Variants in UGT1A6 observed in about 807,000 individuals in gnomAD.
UGT1A6 encodes UDP glucuronosyltransferase family 1 member A6, also known as UDP-glucuronosyltransferase 1A6.
In UGT1A6, 32 loss-of-function variants were observed where a neutral mutation model predicts 44.4. That is an observed-to-expected ratio of 0.72 (90% CI 0.54 to 0.97). The LOEUF is 0.97. Among genes scored for constraint, UGT1A6 ranks in the 50% least tolerant of loss-of-function variants. UGT1A6 has a pLI of 0.00. For synonymous variants in UGT1A6, 238 were observed against 248.5 expected (o/e 0.96, Z 0.40); for missense variants, 685 against 661.9 (o/e 1.03, Z -0.38).
At chr2:233,744,115 T>G (rs556316328) in intron 1 of UGT1A6, 2 of 367,954 alleles carry the variant, frequency 5.4e-6, no homozygotes, top group East Asian at 1.5e-4. Flanking sequence ...CCCTGCTCTC[T>G]GTGAGGCTCT....
At chr2:233,761,667 C>T (rs1186419843) in intron 1 of UGT1A6, among the ~76,000 whole-genome samples, 1 of 152,258 alleles carries the variant, frequency 6.6e-6, no homozygotes, top group African/African-American at 2.4e-5. Flanking sequence ...AATCACCAGA[C>T]AGTCAGGTTC....
At chr2:233,746,132 G>A (rs998349575) in intron 1 of UGT1A6, among the ~76,000 whole-genome samples, 1 of 151,792 alleles carries the variant, frequency 6.6e-6, no homozygotes, top group African/African-American at 2.4e-5. Flanking sequence ...CTGTGGACTG[G>A]CACCTGAGTG....
intron 1 of UGT1A6, chr2:233,747,857 C>G: frequency 6.2e-7 from 1 of 1,613,516 alleles, no homozygotes. Flanking sequence ...AGAACATGCT[C>G]TACCCTCTGG....
chr2:233,693,713 C>T lies in UGT1A6; in HGVS notation c.709C>T (p.Leu237Phe), dbSNP rs370730386. 1.2e-6 allele frequency: 2 copies of T among 1,614,058 alleles called. No individual in the cohort carries two copies. Among genetic ancestry groups the T allele is most frequent in the African/African-American group, 2.7e-5 (2 of 74,912 alleles). ...SKYEELASAV[L>F]KRDVDIITLY... ...GTATGAAGAACTCGCATCAGCTGTC[C>T]TCAAGAGAGATGTGGATATAATCAC... Residue 237 changes from leucine (L) to phenylalanine (F), a missense_variant, in exon 1 of 5, where the codon CTC becomes TTC. Leu to Phe is a conservative substitution (Grantham distance 22). Transcript: ENST00000305139.
At chr2:233,701,743 T>C (rs1291418937) in intron 1 of UGT1A6, among the ~76,000 whole-genome samples, 3 of 152,190 alleles carry the variant, frequency 2.0e-5, no homozygotes, top group Non-Finnish European at 2.9e-5. Flanking sequence ...CCTGAATAAC[T>C]ACTGGGTACA....
intron 1 of UGT1A6, among the ~76,000 whole-genome samples, chr2:233,728,930 G>T (rs144892248): frequency 2.1e-5 from 3 of 145,550 alleles, no homozygotes; most frequent in Non-Finnish European, 4.4e-5. Flanking sequence ...GTCATGATCG[G>T]TCTTTTCCAG....
intron 1 of UGT1A6, chr2:233,719,231 G>C: frequency 6.2e-7 from 1 of 1,614,198 alleles, no homozygotes; most frequent in Middle Eastern, 1.6e-4. Context: ...ATGAGGCCCT[G>C]ATCAGGCACC....
intron 1 of UGT1A6, among the ~76,000 whole-genome samples, chr2:233,725,693 A>G (rs2077467209): frequency 1.3e-5 from 2 of 152,246 alleles, no homozygotes; most frequent in African/African-American, 2.4e-5. Flanking sequence ...CTCAATAGTC[A>G]TATGTAGTTA....
chr2:233,760,740 C>T (rs2125987447), intron 1 of UGT1A6: 1 of 1,614,120 alleles, frequency 6.2e-7, no homozygotes, highest in Non-Finnish European at 8.5e-7. Context: ...TGCTGACGGA[C>T]CCTTTCCTTC....
At chr2:233,740,769 G>A (rs1277809292) in intron 1 of UGT1A6, 1 of 151,756 alleles carries the variant, frequency 6.6e-6, no homozygotes, top group African/African-American at 2.4e-5. Flanking sequence ...TCAAACCGTT[G>A]TATAAAAGAT....
intron 1 of UGT1A6, among the ~76,000 whole-genome samples, chr2:233,697,182 A>G (rs1179820208): frequency 6.6e-6 from 1 of 152,120 alleles, no homozygotes; most frequent in Non-Finnish European, 1.5e-5. Flanking sequence ...TGGTTGGTAG[A>G]ATTCAGCAGT....
intron 1 of UGT1A6, chr2:233,718,669 A>C (rs2076673773): frequency 1.3e-6 from 2 of 1,549,114 alleles, no homozygotes. Context: ...TTATAGATTA[A>C]TGGGTAATAA....
intron 1 of UGT1A6, among the ~76,000 whole-genome samples, chr2:233,697,593 A>T (rs1575461386): frequency 2.2e-5 from 3 of 138,614 alleles, no homozygotes; most frequent in African/African-American, 2.7e-5. Flanking sequence ...GATCTTTATT[A>T]TTTCTTTCCT....
chr2:233,724,727 G>A (rs1271460613), intron 1 of UGT1A6, among the ~76,000 whole-genome samples: 6 of 144,662 alleles, frequency 4.1e-5, no homozygotes. Context: ...GGGCAGCCAG[G>A]CAGAGGGGCT....
At chr2:233,757,428 A>C (rs987166652) in intron 1 of UGT1A6, among the ~76,000 whole-genome samples, 1 of 151,108 alleles carries the variant, frequency 6.6e-6, no homozygotes, top group Non-Finnish European at 1.5e-5. Flanking sequence ...AAGAGAAGAA[A>C]AGTCACTTCT....
At chr2:233,721,302 G>C (rs541150498) in intron 1 of UGT1A6, among the ~76,000 whole-genome samples, 2 of 152,116 alleles carry the variant, frequency 1.3e-5, no homozygotes, top group African/African-American at 4.8e-5. Context: ...CATTTGAATA[G>C]TGATTGTGGC....
chr2:233,715,336 GC>G (rs1476016122), intron 1 of UGT1A6, among the ~76,000 whole-genome samples: 1 of 152,010 alleles, frequency 6.6e-6, no homozygotes, highest in Admixed American at 6.6e-5. Flanking sequence ...TTAGATTGGT[GC>G]ATGTAGGTTT....
In UGT1A6 at chr2:233,769,947, C is replaced by T. The variant is rs202080312; in HGVS notation, c.1301+1508C>T. On this transcript the variant is annotated intron_variant, in intron 4 of 4. Coordinates refer to ENST00000305139, the MANE Select transcript of UGT1A6 (RefSeq NM_001072.4). The surrounding 1 kb of genome is among the most constrained non-coding windows in gnomAD (Gnocchi z 4.4). ...GTGTGGTCCCATTCCTTCCTTCCAG[C>T]GGCTTCTTCTGGCCACCTCAATGTC... The T allele has an allele frequency of 2.2e-5, 5 of 224,160 alleles. No homozygotes were observed. Among genetic ancestry groups the T allele is most frequent in the Non-Finnish European group, 3.5e-5 (4 of 114,192 alleles). 13.9% of individuals were successfully genotyped at this position (224,160 alleles called of 1,614,324 possible). A position where few individuals can be genotyped will look rare whatever the true frequency, so the allele number is the denominator to read the frequency against.
intron 1 of UGT1A6, among the ~76,000 whole-genome samples, chr2:233,737,200 G>A (rs1173255293): frequency 1.3e-5 from 2 of 152,180 alleles, no homozygotes; most frequent in African/African-American, 4.8e-5. Context: ...GCTGAGCTGC[G>A]GTGGACTCTG....
Sources: gnomAD v4.1 joint callset for allele counts (sites outside exome capture counted in the v4.1 genomes callset) on GRCh38, gnomAD v4.1.1 for gene constraint, Gnocchi (gnomAD v3.1) non-coding constraint, MANE v1.5 for transcripts, NCBI Gene and HGNC (gene_info 2026-07-23, HGNC 2026-07-21) for gene names.